The following BUB1B variants were observed in gnomAD, a reference collection of about 807,000 sequenced individuals.
BUB1B encodes the protein BUB1 mitotic checkpoint serine/threonine kinase B, also known as mitotic checkpoint serine/threonine-protein kinase BUB1 beta.
In BUB1B, 86 loss-of-function variants were observed where a neutral mutation model predicts 137.7. The observed-to-expected ratio is 0.62, with a 90% confidence interval of 0.52 to 0.75. The LOEUF is 0.75. Among genes scored for constraint, BUB1B ranks in the 30% least tolerant of loss-of-function variants. BUB1B has a pLI of 0.00. For synonymous variants in BUB1B, 420 were observed against 417.9 expected (o/e 1.00, Z -0.06); for missense variants, 1,130 against 1,236.9 (o/e 0.91, Z 1.30).
At chr15:40,174,913 G>A (rs762048383) in intron 4 of BUB1B, among the ~76,000 whole-genome samples, 10 of 152,144 alleles carry the variant, frequency 6.6e-5, no homozygotes, top group East Asian at 3.9e-4. Flanking sequence ...GCAGTGAGGC[G>A]AGATCGCGCC....
intron 5 of BUB1B, among the ~76,000 whole-genome samples, chr15:40,179,580 T>C (rs2140887102): frequency 6.6e-6 from 1 of 152,286 alleles, no homozygotes; most frequent in Admixed American, 6.5e-5. Context: ...TAACAATATC[T>C]TTTTTGTTAT....
At position 40,217,635 on chromosome 15, in the gene BUB1B, A is replaced by G; in HGVS notation, c.2818A>G (p.Lys940Glu). The G allele has an allele frequency of 6.2e-7, 1 of 1,614,186 alleles. No individual in the cohort carries two copies. Among genetic ancestry groups the G allele is most frequent in the Non-Finnish European group, 8.5e-7 (1 of 1,180,028 alleles). Residue 940 changes from lysine to glutamate, a missense_variant, in exon 21 of 23, where the codon AAG (lysine) becomes GAG (glutamate). Physicochemically the swap from Lys to Glu is moderately conservative, Grantham distance 56. Coordinates refer to ENST00000287598, the MANE Select transcript of BUB1B (RefSeq NM_001211.6). The part of the protein sequence containing the change: ...FRTVQILEGQ[K>E]ILANCSSPYQ... Reference sequence around the variant, plus strand: ...GACTGTACAGATCCTGGAAGGACAAAAGATCCTGGCTAACTGTTCTTCTCC... The same window carrying G: ...GACTGTACAGATCCTGGAAGGACAAGAGATCCTGGCTAACTGTTCTTCTCC...
At chr15:40,199,235 G>A (rs534076407) in intron 9 of BUB1B, among the ~76,000 whole-genome samples, 22 of 152,222 alleles carry the variant, frequency 1.4e-4, no homozygotes, top group South Asian at 4.1e-4. Flanking sequence ...ACATTCTCAC[G>A]TCACCTATTT....
In BUB1B at chr15:40,185,584, C is replaced by A; in HGVS notation, c.1000C>A (p.Pro334Thr). Residue 334 changes from proline (P) to threonine (T), a missense_variant, in exon 8 of 23, where the codon CCC (proline) becomes ACC (threonine). By Grantham distance (38) the Pro-to-Thr change is conservative. Coordinates refer to ENST00000287598, the MANE Select transcript of BUB1B (RefSeq NM_001211.6). ...CAATACAGCTTCACTGATAGCTGTA[C>A]CCGCTGTGCTTCCCAGTTTCACTCC... The part of the protein sequence containing the change: ...RGNTASLIAV[P>T]AVLPSFTPYV... 6.2e-7 allele frequency: 1 copy of A among 1,614,202 alleles called. No individual in the cohort carries two copies. Among genetic ancestry groups the A allele is most frequent in the East Asian group, 2.2e-5 (1 of 44,892 alleles).
At position 40,207,011 on chromosome 15, in the gene BUB1B, T is replaced by C. The variant is rs541788913; in HGVS notation, c.2009+553T>C. ...TTTTAGTAGAGACGGGGTTTCGCCATGTTGGCCAGGCTGGTCTCAAACTCC... is the reference window on the plus strand; with the variant it reads ...TTTTAGTAGAGACGGGGTTTCGCCACGTTGGCCAGGCTGGTCTCAAACTCC... On this transcript the variant is annotated intron_variant, in intron 15 of 22. Transcript: ENST00000287598. 3.9e-5 allele frequency among the ~76,000 whole-genome samples: 6 copies of C among 152,278 alleles called. No individual in the cohort carries two copies. The East Asian group carries it at 1.2e-3, about 29-fold the overall frequency.
Position 40,185,655 on chromosome 15 carries a change from T to TG in BUB1B, c.1058+13_1058+14insG, listed in dbSNP as rs772757703. 5 of 1,606,926 alleles carry TG rather than the reference T, an allele frequency of 3.1e-6. No homozygotes were observed. The South Asian group carries it at 5.5e-5, about 18-fold the overall frequency. Reference sequence around the variant, plus strand: ...GACAGCCAGTTATGTGAGTGTGGTTTTTGGATATTTTGAAGTGGGAATTAT... The same window carrying TG: ...GACAGCCAGTTATGTGAGTGTGGTTTGTTGGATATTTTGAAGTGGGAATTAT... On this transcript the variant is annotated intron_variant, in intron 8 of 22. Coordinates refer to ENST00000287598, the MANE Select transcript of BUB1B (RefSeq NM_001211.6).
At chr15:40,178,822 G>T (rs1331088434) in intron 5 of BUB1B, among the ~76,000 whole-genome samples, 1 of 151,472 alleles carries the variant, frequency 6.6e-6, no homozygotes, top group Non-Finnish European at 1.5e-5. Context: ...AGTCTACCTG[G>T]TCTGATATTA....
At chr15:40,210,012 A>C in intron 17 of BUB1B, 98 bp from the exon 18 acceptor site, 1 of 1,071,292 alleles carries the variant, frequency 9.3e-7, no homozygotes, top group East Asian at 2.4e-5. Flanking sequence ...CTAACTGGCA[A>C]ATACACCAGT....
chr15:40,168,390 G>T (rs1338237169), intron 2 of BUB1B, among the ~76,000 whole-genome samples: 1 of 151,868 alleles, frequency 6.6e-6, no homozygotes, highest in Non-Finnish European at 1.5e-5. Context: ...AAAGGAAAAA[G>T]AGAAAAGAAA....
chr15:40,191,295 T>C (rs1396893571), intron 8 of BUB1B, among the ~76,000 whole-genome samples: 1 of 152,212 alleles, frequency 6.6e-6, no homozygotes, highest in Non-Finnish European at 1.5e-5. Context: ...AATGAAACCA[T>C]GAGTAAGGGG....
At chr15:40,197,764 A>G (rs1378700312) in intron 9 of BUB1B, among the ~76,000 whole-genome samples, 9 of 152,158 alleles carry the variant, frequency 5.9e-5, no homozygotes, top group Non-Finnish European at 1.3e-4. Flanking sequence ...TTGTTACACT[A>G]ATTAGTGTCA....
At chr15:40,161,924 G>A (rs2037047286) in intron 1 of BUB1B, among the ~76,000 whole-genome samples, 1 of 151,966 alleles carries the variant, frequency 6.6e-6, no homozygotes, top group African/African-American at 2.4e-5. Context: ...GTATTTTTTT[G>A]GCTAAGCTCT....
chr15:40,196,416 T>G, intron 8 of BUB1B, 129 bp from the exon 9 acceptor site: 1 of 816,180 alleles, frequency 1.2e-6, no homozygotes, highest in Non-Finnish European at 2.0e-6. Context: ...AGTCAGGTAA[T>G]GTAAGGCCTC....
chr15:40,190,207 CTTT>C (rs2037418654), intron 8 of BUB1B, among the ~76,000 whole-genome samples: 1 of 152,212 alleles, frequency 6.6e-6, no homozygotes, highest in Admixed American at 6.5e-5. Flanking sequence ...GCAAAACTAA[CTTT>C]TTTTCCTTCT....
chr15:40,161,577 C>A (rs1566813639), intron 1 of BUB1B, among the ~76,000 whole-genome samples: 1 of 152,176 alleles, frequency 6.6e-6, no homozygotes, highest in Non-Finnish European at 1.5e-5. Context: ...TTGGGCAAAT[C>A]GTTTGTATGG....
chr15:40,214,895 A>G (rs1178849221), intron 20 of BUB1B, among the ~76,000 whole-genome samples: 1 of 150,432 alleles, frequency 6.6e-6, no homozygotes, highest in Non-Finnish European at 1.5e-5. Flanking sequence ...ACCACCAAAA[A>G]TCCCCCCAAA....
intron 4 of BUB1B, among the ~76,000 whole-genome samples, chr15:40,173,366 T>A (rs567857987): frequency 2.0e-5 from 3 of 151,848 alleles, no homozygotes; most frequent in African/African-American, 7.2e-5. Flanking sequence ...CAGGATTCTA[T>A]GATTATATTT....
intron 8 of BUB1B, among the ~76,000 whole-genome samples, chr15:40,189,106 A>G (rs2037406078): frequency 6.6e-6 from 1 of 151,950 alleles, no homozygotes; most frequent in African/African-American, 2.4e-5. Flanking sequence ...TAATTTACCA[A>G]TTCTAGACAT....
rs1022689065 is a variant in BUB1B at position 40,216,723 on chromosome 15, C to T, written c.2679-773C>T. 2.0e-5 allele frequency among the ~76,000 whole-genome samples: 3 copies of T among 151,122 alleles called. No homozygotes were observed. In the East Asian group the frequency reaches 5.8e-4, roughly 29 times the overall value. On this transcript the variant is annotated intron_variant, in intron 20 of 22. Transcript: ENST00000287598. ...GGTATGTAATTGGAGTAGTTAAAGA[C>T]TGTATTTAGGAATATTGCACCAATA...
Sources: gnomAD v4.1 joint callset for allele counts (sites outside exome capture counted in the v4.1 genomes callset) on GRCh38, gnomAD v4.1.1 for gene constraint, MANE v1.5 for transcripts, NCBI Gene and HGNC (gene_info 2026-07-23, HGNC 2026-07-21) for gene names.